Variants in C2CD2L observed in about 807,000 individuals in gnomAD.
C2CD2L encodes phospholipid transfer protein C2CD2L.
A neutral mutation model predicts 69.9 loss-of-function variants in C2CD2L; 24 were observed. The observed-to-expected ratio is 0.34, with a 90% CI of 0.25 to 0.48. The LOEUF is 0.48. C2CD2L is among the 20% of genes least tolerant of loss of function. C2CD2L has a pLI of 0.99. For missense variants in C2CD2L, 811 were observed against 941.5 expected, an observed-to-expected ratio of 0.86 and a Z score of 1.81; for synonymous variants, 367 against 391.0, an observed-to-expected ratio of 0.94 and a Z score of 0.72.
upstream of C2CD2L, among the ~76,000 whole-genome samples, chr11:119,105,664 A>C (rs1946570570): frequency 2.1e-5 from 3 of 145,468 alleles, no homozygotes; most frequent in African/African-American, 7.7e-5. Flanking sequence ...AAAAAAAAAA[A>C]GAGGGAGGAC....
At position 119,107,714 on chromosome 11, in the gene C2CD2L, G is replaced by A. The variant is rs1352383696; in HGVS notation, c.-28G>A. ...CCGGGGCAGCGGGTGAGCCCCAGCC[G>A]GGACCGGGATCGGAGCCCGCGCGGA... On this transcript the variant is annotated 5_prime_UTR_variant, in exon 1 of 14. Transcript: ENST00000648610. The surrounding 1 kb of genome is among the most constrained non-coding windows in gnomAD (Gnocchi z 5.4). The A allele has an allele frequency of 3.6e-6, 5 of 1,408,110 alleles. No individual in the cohort carries two copies. Among genetic ancestry groups the A allele is most frequent in the Non-Finnish European group, 4.6e-6 (5 of 1,075,950 alleles). 87.2% of individuals were successfully genotyped at this position (1,408,110 alleles called of 1,614,324 possible). A position where few individuals can be genotyped will look rare whatever the true frequency, so the allele number is the denominator to read the frequency against.
intron 13 of C2CD2L, 65 bp from the exon 14 acceptor site, chr11:119,115,980 T>C (rs528138232): frequency 7.5e-7 from 1 of 1,327,724 alleles, no homozygotes; most frequent in African/African-American, 1.4e-5. Flanking sequence ...CTCCATCGTG[T>C]CTCTGCCCCC....
chr11:119,110,529 C>G lies in C2CD2L; in HGVS notation c.451-32C>G. ...AGTTCAAAGCAGGGTGAGCACCCTT[C>G]CCCCACATCTGACCCACCTCGCCGG... is the stretch of plus-strand genomic sequence containing the variant. On this transcript the variant is annotated intron_variant, in intron 2 of 13. Coordinates refer to ENST00000648610, the MANE Select transcript of C2CD2L (RefSeq NM_001290474.2). This position sits in a 1 kb window ranked among gnomAD's most constrained non-coding sequence, Gnocchi z 5.7. 6.3e-7 allele frequency: 1 copy of G among 1,597,268 alleles called. No homozygotes were observed. Among genetic ancestry groups the G allele is most frequent in the Non-Finnish European group, 8.5e-7 (1 of 1,175,880 alleles).
chr11:119,106,478 G>A (rs1047842281), upstream of C2CD2L, among the ~76,000 whole-genome samples: 2 of 152,184 alleles, frequency 1.3e-5, no homozygotes, highest in Non-Finnish European at 1.5e-5. Context: ...GTCCTGTAGA[G>A]GTTGAATCAA....
chr11:119,114,368 A>C lies in C2CD2L; in HGVS notation c.1909+3A>C. 1 of 1,613,772 alleles carries C rather than the reference A, an allele frequency of 6.2e-7. No individual in the cohort carries two copies. The highest frequency in any genetic ancestry group is 8.5e-7 in the Non-Finnish European group (1 of 1,179,780). On this transcript the variant is annotated splice_donor_region_variant and intron_variant, in intron 13 of 13. Coordinates refer to ENST00000648610, the MANE Select transcript of C2CD2L (RefSeq NM_001290474.2). This position sits in a 1 kb window ranked among gnomAD's most constrained non-coding sequence, Gnocchi z 5.1. Reference sequence around the variant, plus strand: ...CCGCAGCCTCAAGGATCACAAAGGTAGGGGGACGTTGGCAGGGTGCCCCTC... The same window carrying C: ...CCGCAGCCTCAAGGATCACAAAGGTCGGGGGACGTTGGCAGGGTGCCCCTC...
chr11:119,114,098 G>C lies in C2CD2L; in HGVS notation c.1642G>C (p.Glu548Gln), dbSNP rs201891293. The C allele has an allele frequency of 4.3e-5, 69 of 1,614,024 alleles. No homozygotes were observed. Among genetic ancestry groups the C allele is most frequent in the Non-Finnish European group, 5.5e-5 (65 of 1,180,020 alleles). ...GVSKVPIAQD[E>Q]LALSLGYAAS... Reference sequence around the variant, plus strand: ...CTGCCAGGTGCCCATTGCTCAGGACGAGTTGGCGCTATCCCTGGGCTATGC... The same window carrying C: ...CTGCCAGGTGCCCATTGCTCAGGACCAGTTGGCGCTATCCCTGGGCTATGC... Residue 548 changes from glutamate to glutamine, a missense_variant, in exon 13 of 14, where the codon GAG (glutamate) becomes CAG (glutamine). By Grantham distance (29) the Glu-to-Gln change is conservative. Transcript: ENST00000648610. This position sits in a 1 kb window ranked among gnomAD's most constrained non-coding sequence, Gnocchi z 5.1.
Position 119,107,759 on chromosome 11 carries a change from G to A in C2CD2L, c.18G>A (p.Gly6=). 1 of 1,534,988 alleles carries A rather than the reference G, an allele frequency of 6.5e-7. No individual in the cohort carries two copies. Among genetic ancestry groups the A allele is most frequent in the Non-Finnish European group, 8.7e-7 (1 of 1,153,904 alleles). ...CGCGGAGCATGGATCCGGGCTGGGG[G>A]CAGCGGGACGTGGGCTGGGCGGCCT... The part of the protein sequence containing the change: MDPGW[G]QRDVGWAALL... Residue 6 remains glycine, a synonymous_variant, in exon 1 of 14, where the codon GGG becomes GGA. Transcript: ENST00000648610. The surrounding 1 kb of genome is among the most constrained non-coding windows in gnomAD (Gnocchi z 5.4).
In C2CD2L at chr11:119,116,178, CT is replaced by C; in HGVS notation, c.2047del (p.Ser683LeufsTer120). The C allele has an allele frequency of 6.2e-7, 1 of 1,614,260 alleles. No homozygotes were observed. The highest frequency in any genetic ancestry group is 8.5e-7 in the Non-Finnish European group (1 of 1,180,056). On this transcript the variant is annotated frameshift_variant, in exon 14 of 14. Coordinates refer to ENST00000648610, the MANE Select transcript of C2CD2L (RefSeq NM_001290474.2). LOFTEE classifies it high-confidence loss of function. ...TPSVRKKAGSFSRRLIKRFSF... is the reference protein window; with the variant it reads ...TPSVRKKAGSXSRRLIKRFSF... ...CCAGTGTCCGAAAGAAGGCCGGCAGCTTTTCTCGCCGCCTTATCAAGCGCTT... is the reference window on the plus strand; with the variant it reads ...CCAGTGTCCGAAAGAAGGCCGGCAGCTTTCTCGCCGCCTTATCAAGCGCTT...
chr11:119,112,249 C>T, intron 7 of C2CD2L, 79 bp from the exon 8 acceptor site: 1 of 1,261,010 alleles, frequency 7.9e-7, no homozygotes, highest in Non-Finnish European at 1.1e-6. Context: ...AGCTCTCTGC[C>T]TCTGGCCTGT....
chr11:119,103,405 T>C (rs1189725899), upstream of C2CD2L, among the ~76,000 whole-genome samples: 3 of 152,154 alleles, frequency 2.0e-5, no homozygotes, highest in Non-Finnish European at 4.4e-5. Context: ...TCCCTCAAAA[T>C]CAGATGTGAG....
chr11:119,117,892 G>C lies in C2CD2L; in HGVS notation c.*1636G>C, dbSNP rs1294484661. 1.3e-5 allele frequency: 2 copies of C among 151,946 alleles called. No homozygotes were observed. The highest frequency in any genetic ancestry group is 2.1e-4 in the South Asian group (1 of 4,824). 9.4% of individuals were successfully genotyped at this position (151,946 alleles called of 1,614,324 possible). On this transcript the variant is annotated 3_prime_UTR_variant, in exon 14 of 14. Coordinates refer to ENST00000648610, the MANE Select transcript of C2CD2L (RefSeq NM_001290474.2). ...TCAGTTTCCTCATATCTAAAATAAG[G>C]GTGACCTGGATAAACATTCAGGTCA...
At chr11:119,104,664 C>A (rs954868154), upstream of C2CD2L, among the ~76,000 whole-genome samples, 12 of 152,192 alleles carry the variant, frequency 7.9e-5, no homozygotes, top group Non-Finnish European at 1.8e-4. Context: ...ATTCACAGAC[C>A]AGTTGACTTG....
At chr11:119,108,461 C>T in intron 1 of C2CD2L, 1 of 212,694 alleles carries the variant, frequency 4.7e-6, no homozygotes, top group Non-Finnish European at 9.3e-6. Context: ...TCTCATGCCA[C>T]CACACCCATT....
upstream of C2CD2L, among the ~76,000 whole-genome samples, chr11:119,104,275 T>G (rs1946551041): frequency 6.6e-6 from 1 of 152,180 alleles, no homozygotes; most frequent in Non-Finnish European, 1.5e-5. Context: ...AGTCTGTATC[T>G]ATTTCCTTTT....
At position 119,108,068 on chromosome 11, in the gene C2CD2L, G is replaced by A; in HGVS notation, c.327G>A (p.Ala109=). The A allele has an allele frequency of 6.3e-7, 1 of 1,598,928 alleles. No individual in the cohort carries two copies. Among genetic ancestry groups the A allele is most frequent in the East Asian group, 2.4e-5 (1 of 42,236 alleles). ...RENWQRAWVR[A]LNEQACRNGS... ...ACTGGCAGCGGGCTTGGGTGCGAGC[G>A]CTGAACGAGCAGGCCTGCAGAAACG... The change falls in exon 1 of 14, where the codon GCG becomes GCA. Residue 109 remains alanine, a synonymous_variant. Transcript: ENST00000648610.
At position 119,116,052 on chromosome 11, in the gene C2CD2L, C is replaced by T. The variant is rs753424701; in HGVS notation, c.1917C>T (p.Phe639=). The change falls in exon 14 of 14, where the codon TTC becomes TTT. Residue 639 remains phenylalanine (F), a synonymous_variant. Coordinates refer to ENST00000648610, the MANE Select transcript of C2CD2L (RefSeq NM_001290474.2). The part of the protein sequence containing the change: ...TRSLKDHKVS[F]LRSGTKLIFR... ...TCCCCTCTTCCCCTGCAGTGAGTTT[C>T]CTGCGCAGCGGCACTAAGCTCATCT... 2 of 1,613,672 alleles carry T rather than the reference C, an allele frequency of 1.2e-6. No homozygotes were observed. The highest frequency in any genetic ancestry group is 2.2e-5 in the South Asian group (2 of 91,076).
In C2CD2L at chr11:119,116,639, C is replaced by G. The variant is rs960303254; in HGVS notation, c.*383C>G. On this transcript the variant is annotated 3_prime_UTR_variant, in exon 14 of 14. Coordinates refer to ENST00000648610, the MANE Select transcript of C2CD2L (RefSeq NM_001290474.2). Reference sequence around the variant, plus strand: ...TTCTATTTATATGTGTGGCTTAGGACCCTCCGTGAACAGATGATAGAGGGC... The same window carrying G: ...TTCTATTTATATGTGTGGCTTAGGAGCCTCCGTGAACAGATGATAGAGGGC... The G allele has an allele frequency of 3.6e-6, 1 of 276,190 alleles. No individual in the cohort carries two copies. The highest frequency in any genetic ancestry group is 2.2e-5 in the African/African-American group (1 of 46,256). 17.1% of individuals were successfully genotyped at this position (276,190 alleles called of 1,614,324 possible).
upstream of C2CD2L, among the ~76,000 whole-genome samples, chr11:119,104,345 CTCTT>C (rs1229935154): frequency 1.3e-5 from 2 of 152,156 alleles, no homozygotes; most frequent in South Asian, 2.1e-4. Flanking sequence ...GAAGCTTTAT[CTCTT>C]TCTTCTCCAG....
chr11:119,116,017 T>G, intron 13 of C2CD2L, 28 bp from the exon 14 acceptor site: 1 of 1,590,354 alleles, frequency 6.3e-7, no homozygotes, highest in Non-Finnish European at 8.6e-7. Flanking sequence ...TGCCCCTCTC[T>G]GCCTCAGCTT....
Sources: gnomAD v4.1 joint callset for allele counts (sites outside exome capture counted in the v4.1 genomes callset) on GRCh38, gnomAD v4.1.1 for gene constraint, Gnocchi (gnomAD v3.1) non-coding constraint, MANE v1.5 for transcripts, NCBI Gene and HGNC (gene_info 2026-07-23, HGNC 2026-07-21) for gene names.